Variants in ANK1 observed in about 807,000 individuals in gnomAD.
The protein encoded by ANK1 is ankyrin-1.
Under a neutral mutation model 210.4 loss-of-function variants are expected in ANK1, and 51 were observed. That is an observed-to-expected ratio of 0.24 (90% CI 0.19 to 0.31). ANK1 has a LOEUF of 0.31. ANK1 is among the 10% of genes least tolerant of loss of function. The probability of loss-of-function intolerance (pLI) is 1.00; values close to 1 mark genes in which losing one functional copy is unlikely to be tolerated. For missense variants in ANK1, 2,051 were observed against 2,504.4 expected, an observed-to-expected ratio of 0.82 and a Z score of 3.86; for synonymous variants, 967 against 1,025.9, an observed-to-expected ratio of 0.94 and a Z score of 1.10.
chr8:41,701,455 A>G, intron 22 of ANK1, 95 bp downstream of exon 22: 1 of 1,130,678 alleles, frequency 8.8e-7, no homozygotes. Context: ...GGCGTGTTGT[A>G]AGGGGACAAA....
At chr8:41,658,270 C>T (rs1806478243) in intron 42 of ANK1, among the ~76,000 whole-genome samples, 1 of 152,168 alleles carries the variant, frequency 6.6e-6, no homozygotes, top group Non-Finnish European at 1.5e-5. Context: ...GAACCTGAGG[C>T]TTAGGGAAGT....
In ANK1 at chr8:41,780,044, C is replaced by G. The variant is rs536792181; in HGVS notation, c.27+17468G>C. On this transcript the variant is annotated intron_variant, in intron 1 of 42. Transcript: ENST00000289734. ...TAGCCCCTTGTTCAGGCCACTAACT[C>G]TAATTAGTATTTTGCATTTGCCAAG... is the stretch of plus-strand genomic sequence containing the variant. Among the ~76,000 whole-genome samples, 7 of 152,234 alleles carry G rather than the reference C, an allele frequency of 4.6e-5. No homozygotes were observed. The East Asian group carries it at 1.4e-3, about 29-fold the overall frequency.
At chr8:41,683,566 A>G (rs991874657) in intron 37 of ANK1, among the ~76,000 whole-genome samples, 1 of 152,260 alleles carries the variant, frequency 6.6e-6, no homozygotes, top group Non-Finnish European at 1.5e-5. Flanking sequence ...ACACATCACC[A>G]TGCAGGCATC....
Position 41,666,089 on chromosome 8 carries a change from G to C in ANK1, c.5394+2178C>G, listed in dbSNP as rs530347814. On this transcript the variant is annotated intron_variant, in intron 39 of 42. Transcript: ENST00000289734. ...AGACTAACCCTGCAACTCACCTACT[G>C]TGGGGTCTTGGGAAGGCTGGGGACC... 2.6e-5 allele frequency among the ~76,000 whole-genome samples: 4 copies of C among 152,360 alleles called. No individual in the cohort carries two copies. The South Asian group carries it at 8.3e-4, about 32-fold the overall frequency.
At chr8:41,873,136 G>A (rs1815879946) in intron 1 of ANK1, among the ~76,000 whole-genome samples, 1 of 152,202 alleles carries the variant, frequency 6.6e-6, no homozygotes, top group Non-Finnish European at 1.5e-5. Flanking sequence ...AAAGAAAAAA[G>A]TCACTATTCT....
At chr8:41,665,446 G>T (rs1810172835) in intron 39 of ANK1, 1 of 412,692 alleles carries the variant, frequency 2.4e-6, no homozygotes, top group African/African-American at 2.1e-5. Context: ...CCTGCCCAGA[G>T]ACCTGGAAGT....
At chr8:41,891,319 A>T (rs919161526) in intron 1 of ANK1, among the ~76,000 whole-genome samples, 4 of 151,562 alleles carry the variant, frequency 2.6e-5, no homozygotes, top group Admixed American at 2.0e-4. Flanking sequence ...TTGAGAGGAG[A>T]GGAGCAGAAC....
At chr8:41,745,578 G>T (rs1197529534) in intron 2 of ANK1, among the ~76,000 whole-genome samples, 1 of 152,188 alleles carries the variant, frequency 6.6e-6, no homozygotes, top group East Asian at 1.9e-4. Flanking sequence ...TGGAGGAGAG[G>T]AGTGATGTTG....
rs369002445 is a variant in ANK1, at chr8:41,680,301, G to A, written c.4537+4243C>T. ...TAAGGGGCCGGGCACAGTGGCTCAT[G>A]CCTATAATCCCAGCACTTAGGGAGG... is the stretch of plus-strand genomic sequence containing the variant. On this transcript the variant is annotated intron_variant, in intron 37 of 42. Transcript: ENST00000289734. Among the ~76,000 whole-genome samples, 291 of 152,290 alleles carry A rather than the reference G, an allele frequency of 1.9e-3. 1 individual carries two copies. The highest frequency in any genetic ancestry group is 6.8e-3 in the African/African-American group (282 of 41,562).
intron 1 of ANK1, among the ~76,000 whole-genome samples, chr8:41,861,743 C>T (rs373750661): frequency 1.3e-5 from 2 of 152,260 alleles, no homozygotes; most frequent in African/African-American, 4.8e-5. Context: ...AGGAAATACC[C>T]ATGGACAGGT....
At position 41,723,450 on chromosome 8, in the gene ANK1, T is replaced by A; in HGVS notation, c.810+85A>T. ...GGCTGGTGGTGCATCCCTAACTAGG[T>A]CACCAAGGGCCCGCTGCTCTGGGTG... is the stretch of plus-strand genomic sequence containing the variant. On this transcript the variant is annotated intron_variant, in intron 8 of 42. Coordinates refer to ENST00000289734, the MANE Select transcript of ANK1 (RefSeq NM_000037.4). 3 of 1,502,010 alleles carry A rather than the reference T, an allele frequency of 2.0e-6. No individual in the cohort carries two copies. The East Asian group carries it at 6.8e-5, about 34-fold the overall frequency. The allele number at this position is 1,502,010 out of a possible 1,614,324, so 93.0% of individuals were successfully genotyped here.
intron 1 of ANK1, among the ~76,000 whole-genome samples, chr8:41,887,697 G>C (rs968731522): frequency 2.0e-5 from 3 of 152,226 alleles, no homozygotes; most frequent in Non-Finnish European, 4.4e-5. Flanking sequence ...CTCTGGCCCT[G>C]AGTCTTCCTG....
At chr8:41,718,306 A>G in intron 10 of ANK1, 102 bp from the exon 11 acceptor site, 1 of 1,077,544 alleles carries the variant, frequency 9.3e-7, no homozygotes, top group African/African-American at 1.6e-5. Flanking sequence ...GCTGCTGCCC[A>G]GGCCACCAGC....
intron 1 of ANK1, chr8:41,829,132 G>A (rs1466529859): frequency 6.6e-6 from 1 of 152,298 alleles, no homozygotes; most frequent in Non-Finnish European, 1.5e-5. Flanking sequence ...CGGGGACGGG[G>A]GCCACCGTTT....
chr8:41,675,272 T>A (rs1288543284), intron 37 of ANK1, among the ~76,000 whole-genome samples: 1 of 152,140 alleles, frequency 6.6e-6, no homozygotes, highest in East Asian at 1.9e-4. Flanking sequence ...AATTTTTGTA[T>A]TTTTAGTAGA....
At chr8:41,852,423 TGCTGATGAC>T (rs1357007600) in intron 1 of ANK1, among the ~76,000 whole-genome samples, 3 of 152,196 alleles carry the variant, frequency 2.0e-5, no homozygotes, top group Admixed American at 6.5e-5. Context: ...CGAGAGGCTC[TGCTGATGAC>T]CCGGGCACCT....
intron 17 of ANK1, among the ~76,000 whole-genome samples, chr8:41,707,224 C>T (rs538468676): frequency 5.9e-5 from 9 of 152,358 alleles, no homozygotes; most frequent in African/African-American, 1.9e-4. Flanking sequence ...ATCACAGCTT[C>T]GTCAGGAAGG....
In ANK1 at chr8:41,787,344, G is replaced by C. The variant is rs148693268; in HGVS notation, c.27+10168C>G. ...GTAATGAAAAGCCTCCCCTACCTAT[G>C]GCTTCTGTGTAGTAGAAAGAGCTGG... On this transcript the variant is annotated intron_variant, in intron 1 of 42. Transcript: ENST00000289734. Among the ~76,000 whole-genome samples the C allele has an allele frequency of 3.9e-3, 588 of 152,274 alleles. 3 individuals carry two copies. Among genetic ancestry groups the C allele is most frequent in the East Asian group, 0.022 (116 of 5,184 alleles).
Position 41,704,092 on chromosome 8 carries a change from G to A in ANK1, c.2244C>T (p.Asp748=). The change falls in exon 20 of 43, where the codon GAC becomes GAT. Residue 748 remains aspartate (D), a synonymous_variant. Coordinates refer to ENST00000289734, the MANE Select transcript of ANK1 (RefSeq NM_000037.4). The surrounding 1 kb of genome is among the most constrained non-coding windows in gnomAD (Gnocchi z 4.1). The part of the protein sequence containing the change: ...LHQAAQQGHT[D]IVTLLLKNGA... ...CGTTTTTCAGAAGCAGAGTCACGAT[G>A]TCTGTGTGTCCCTGCTGGGCTGCCT... 6.2e-7 allele frequency: 1 copy of A among 1,614,200 alleles called. No homozygotes were observed. The highest frequency in any genetic ancestry group is 1.1e-5 in the South Asian group (1 of 91,090).
Sources: gnomAD v4.1 joint callset for allele counts (sites outside exome capture counted in the v4.1 genomes callset) on GRCh38, gnomAD v4.1.1 for gene constraint, Gnocchi (gnomAD v3.1) non-coding constraint, MANE v1.5 for transcripts, NCBI Gene and HGNC (gene_info 2026-07-23, HGNC 2026-07-21) for gene names.